KAT14: variants seen among roughly 807,000 people sequenced by gnomAD.
The protein encoded by KAT14 is lysine acetyltransferase 14.
A neutral mutation model predicts 78.4 loss-of-function variants in KAT14; 66 were observed. The ratio of observed to expected loss-of-function variants is 0.84; its 90% confidence interval spans 0.69 to 1.03. The LOEUF (loss-of-function observed/expected upper bound fraction) is 1.03. Among genes scored for constraint, KAT14 ranks in the 50% least tolerant of loss-of-function variants. The pLI is 0.00. For missense variants in KAT14, 870 were observed against 972.5 expected, an observed-to-expected ratio of 0.89 and a Z score of 1.40; for synonymous variants, 344 against 359.4, an observed-to-expected ratio of 0.96 and a Z score of 0.48.
At chr20:18,151,506 T>C (rs1411027665) in intron 4 of KAT14, among the ~76,000 whole-genome samples, 1 of 149,962 alleles carries the variant, frequency 6.7e-6, no homozygotes. Flanking sequence ...CTTATATTTT[T>C]GTAGAGACAG....
rs574756111 is a variant in KAT14 at position 18,138,100 on chromosome 20, C to G, written c.-454+49C>G. 43 of 1,427,932 alleles carry G rather than the reference C, an allele frequency of 3.0e-5. No individual in the cohort carries two copies. In the African/African-American group the frequency reaches 4.8e-4, roughly 16 times the overall value. The allele number at this position is 1,427,932 out of a possible 1,614,324, so 88.5% of individuals were successfully genotyped here. A position where few individuals can be genotyped will look rare whatever the true frequency, so the allele number is the denominator to read the frequency against. The stretch of plus-strand genomic sequence containing the variant: ...TCCGGGCCCGCGCGCGCGGCGTCGA[C>G]CTGGGGCCTCTCGTGGTCTCTGCCC... On this transcript the variant is annotated intron_variant, in intron 1 of 10. Transcript: ENST00000688188.
chr20:18,182,975 T>A, intron 8 of KAT14, 148 bp from the exon 9 acceptor site: 1 of 1,137,254 alleles, frequency 8.8e-7, no homozygotes, highest in Non-Finnish European at 1.2e-6. Flanking sequence ...CATAAAAGTA[T>A]AGCTGTAATC....
At chr20:18,155,089 T>G (rs1260197568) in intron 4 of KAT14, among the ~76,000 whole-genome samples, 1 of 152,186 alleles carries the variant, frequency 6.6e-6, no homozygotes, top group African/African-American at 2.4e-5. Context: ...TTCACCTTAT[T>G]GGTCAGGCTG....
At chr20:18,159,044 GCAAAAGTGC>G (rs1429441275) in intron 4 of KAT14, 31 bp from the exon 5 acceptor site, 2 of 1,573,584 alleles carry the variant, frequency 1.3e-6, no homozygotes. Flanking sequence ...TGTATAATGA[GCAAAAGTGC>G]CAATCATTTT....
At position 18,137,874 on chromosome 20, in the gene KAT14, G is replaced by A. The variant is rs1017064495; in HGVS notation, c.-631G>A. The A allele has an allele frequency of 1.5e-6, 2 of 1,371,356 alleles. No individual in the cohort carries two copies. 84.9% of individuals were successfully genotyped at this position (1,371,356 alleles called of 1,614,324 possible). A position where few individuals can be genotyped will look rare whatever the true frequency, so the allele number is the denominator to read the frequency against. On this transcript the variant is annotated 5_prime_UTR_variant, in exon 1 of 11. Coordinates refer to ENST00000688188, the MANE Select transcript of KAT14 (RefSeq NM_001392073.1). ...GCGCTCGAGGGGTCGAGCCTGGGCA[G>A]TACAGGCGGCGGTGCGCACTCTGCG...
At chr20:18,137,294 T>A (rs6045212), upstream of KAT14, among the ~76,000 whole-genome samples, 26,346 of 150,210 alleles carry the variant, frequency 0.18, 2,839 homozygotes, top group East Asian at 0.51. Flanking sequence ...GTATCAAAAT[T>A]ATAATAATAA....
Position 18,157,074 on chromosome 20 carries a change from T to C in KAT14, c.501-2010T>C, listed in dbSNP as rs149620601. Among the ~76,000 whole-genome samples the C allele has an allele frequency of 2.0e-3, 304 of 152,346 alleles. 2 individuals are homozygous for C. Among genetic ancestry groups the C allele is most frequent in the African/African-American group, 6.8e-3 (283 of 41,584 alleles). On this transcript the variant is annotated intron_variant, in intron 4 of 10. Transcript: ENST00000688188. ...GCGAGGTCAGAGGATACACACAATT[T>C]TGCTGTACATTATGAAAGTAACCTC...
chr20:18,137,285 T>C (rs567740389), upstream of KAT14, among the ~76,000 whole-genome samples: 16 of 132,582 alleles, frequency 1.2e-4, no homozygotes, highest in Admixed American at 9.2e-4. Flanking sequence ...AGAGACTCTG[T>C]ATCAAAATTA....
chr20:18,149,956 A>C (rs2037974152), intron 3 of KAT14, among the ~76,000 whole-genome samples: 1 of 152,156 alleles, frequency 6.6e-6, no homozygotes, highest in African/African-American at 2.4e-5. Flanking sequence ...GTCTCAAAAA[A>C]ACCAAACAAA....
upstream of KAT14, chr20:18,137,857 G>A: frequency 8.2e-7 from 1 of 1,220,190 alleles, no homozygotes. Flanking sequence ...CTGCGCTCGA[G>A]GGGTCGAGCC....
At position 18,142,856 on chromosome 20, in the gene KAT14, G is replaced by A. The variant is rs200687917; in HGVS notation, c.196G>A (p.Val66Met). The A allele has an allele frequency of 5.6e-6, 9 of 1,614,144 alleles. No homozygotes were observed. Among genetic ancestry groups the A allele is most frequent in the African/African-American group, 2.7e-5 (2 of 75,046 alleles). Residue 66 changes from valine (V) to methionine (M), a missense_variant, in exon 2 of 11, where the codon GTG (valine) becomes ATG (methionine). By Grantham distance (21) the Val-to-Met change is conservative. Coordinates refer to ENST00000688188, the MANE Select transcript of KAT14 (RefSeq NM_001392073.1). Reference protein sequence around the residue: ...GDSLNSDEGDVSWMEEQLSYF... With the variant: ...GDSLNSDEGDMSWMEEQLSYF... ...TTCCCTCAACAGTGATGAAGGAGACGTGTCTTGGATGGAGGAGCAGCTGTC... is the reference window on the plus strand; with the variant it reads ...TTCCCTCAACAGTGATGAAGGAGACATGTCTTGGATGGAGGAGCAGCTGTC...
chr20:18,146,011 A>G (rs2037813608), intron 3 of KAT14, among the ~76,000 whole-genome samples: 1 of 152,212 alleles, frequency 6.6e-6, no homozygotes, highest in Admixed American at 6.5e-5. Flanking sequence ...AAAAACCAAC[A>G]TAACCCAGCT....
At chr20:18,186,635 A>G (rs1203738021) in intron 10 of KAT14, among the ~76,000 whole-genome samples, 2 of 152,312 alleles carry the variant, frequency 1.3e-5, no homozygotes, top group East Asian at 3.9e-4. Flanking sequence ...CTGATTAAAG[A>G]ATCTAAGGAC....
chr20:18,159,597 T>A lies in KAT14; in HGVS notation c.682+332T>A, dbSNP rs370348227. ...TAATAAATAACATGATGAATTCCCA[T>A]GTACCTTCCACCTCACTTTGACATT... On this transcript the variant is annotated intron_variant, in intron 5 of 10. Transcript: ENST00000688188. Among the ~76,000 whole-genome samples the A allele has an allele frequency of 1.8e-4, 27 of 152,372 alleles. No individual in the cohort carries two copies. In the East Asian group the frequency reaches 2.7e-3, roughly 15 times the overall value.
intron 7 of KAT14, among the ~76,000 whole-genome samples, chr20:18,178,985 A>G (rs1159284168): frequency 6.6e-6 from 1 of 152,198 alleles, no homozygotes; most frequent in Non-Finnish European, 1.5e-5. Context: ...GCAGTTCTAC[A>G]TGGGAGAAAT....
intron 4 of KAT14, among the ~76,000 whole-genome samples, chr20:18,153,757 GATCTT>G (rs1345827699): frequency 6.6e-6 from 1 of 152,092 alleles, no homozygotes; most frequent in Non-Finnish European, 1.5e-5. Context: ...TTATTTATTT[GATCTT>G]CCTATTTAAA....
In KAT14 at chr20:18,183,299, G is replaced by GT. The variant is rs1296617801; in HGVS notation, c.1981+2dup. The GT allele has an allele frequency of 2.5e-6, 4 of 1,611,578 alleles. No homozygotes were observed. The highest frequency in any genetic ancestry group is 2.5e-6 in the Non-Finnish European group (3 of 1,178,398). On this transcript the variant is annotated splice_donor_variant, in intron 9 of 10. Transcript: ENST00000688188. LOFTEE classifies it high-confidence loss of function. The stretch of plus-strand genomic sequence containing the variant: ...ATGTGTCAGGAGTTTTTTTGGCCTG[G>GT]TATGTTCCCCCTCCCAAACCAGGCA...
chr20:18,155,368 A>C (rs976554980), intron 4 of KAT14, among the ~76,000 whole-genome samples: 1 of 152,126 alleles, frequency 6.6e-6, no homozygotes, highest in African/African-American at 2.4e-5. Flanking sequence ...GGTGCTACCC[A>C]TCCCCCTTCT....
intron 5 of KAT14, among the ~76,000 whole-genome samples, chr20:18,160,101 A>G (rs536210228): frequency 1.3e-5 from 2 of 152,156 alleles, no homozygotes; most frequent in Admixed American, 6.5e-5. Flanking sequence ...GGGTTTTGCC[A>G]TGTTGGCCAG....
Sources: gnomAD v4.1 joint callset for allele counts (sites outside exome capture counted in the v4.1 genomes callset) on GRCh38, gnomAD v4.1.1 for gene constraint, MANE v1.5 for transcripts, NCBI Gene and HGNC (gene_info 2026-07-23, HGNC 2026-07-21) for gene names.